Variants in GRHPR observed in about 807,000 individuals in gnomAD.
GRHPR encodes the protein glyoxylate reductase/hydroxypyruvate reductase.
GRHPR carries 35 observed loss-of-function variants against 36.8 expected under a neutral mutation model. That is an observed-to-expected ratio of 0.95 (90% CI 0.73 to 1.26). The LOEUF (loss-of-function observed/expected upper bound fraction) is 1.26. Ranked by LOEUF, GRHPR falls within the 50% of genes most tolerant of loss-of-function variation. The pLI, the probability that GRHPR is intolerant of heterozygous loss-of-function variation, is 0.00. For synonymous variants in GRHPR, 179 were observed against 181.0 expected (o/e 0.99, Z 0.09); for missense variants, 380 against 435.0 (o/e 0.87, Z 1.12).
chr9:37,432,085 C>G lies in GRHPR; in HGVS notation c.812C>G (p.Thr271Arg). 5.6e-6 allele frequency: 9 copies of G among 1,613,968 alleles called. No individual in the cohort carries two copies. Among genetic ancestry groups the G allele is most frequent in the Non-Finnish European group, 7.6e-6 (9 of 1,179,842 alleles). Residue 271 changes from threonine (T) to arginine (R), a missense_variant, in exon 8 of 9, where the codon ACG becomes AGG. Coordinates refer to ENST00000318158, the MANE Select transcript of GRHPR (RefSeq NM_012203.2). ...GKIAAAGLDV[T>R]SPEPLPTNHP... The stretch of plus-strand genomic sequence containing the variant: ...ATTGCAGCTGCTGGACTGGATGTGA[C>G]GAGCCCAGAACCACTGCCTACAAAC...
rs1283935539 is a variant in GRHPR, at chr9:37,436,949, G to A, written c.*167G>A. 2.2e-5 allele frequency: 16 copies of A among 723,524 alleles called. No individual in the cohort carries two copies. Among genetic ancestry groups the A allele is most frequent in the East Asian group, 1.6e-4 (6 of 36,852 alleles). The allele number at this position is 723,524 out of a possible 1,614,324, so 44.8% of individuals were successfully genotyped here. On this transcript the variant is annotated 3_prime_UTR_variant, in exon 9 of 9. Coordinates refer to ENST00000318158, the MANE Select transcript of GRHPR (RefSeq NM_012203.2). ...TCACATTGGTGTTGGACACATTTGCGCCAAAAGTATGGTAATTCTATTATT... is the reference window on the plus strand; with the variant it reads ...TCACATTGGTGTTGGACACATTTGCACCAAAAGTATGGTAATTCTATTATT...
Position 37,430,589 on chromosome 9 carries a change from G to C in GRHPR, c.677G>C (p.Cys226Ser), listed in dbSNP as rs780674890. ...TTAACACCTGCAACCGAGGGACTCT[G>C]CAACAAGGACTTCTTCCAGAAGATG... Reference protein sequence around the residue: ...CSLTPATEGLCNKDFFQKMKE... With the variant: ...CSLTPATEGLSNKDFFQKMKE... Residue 226 changes from cysteine to serine, a missense_variant, in exon 7 of 9, where the codon TGC becomes TCC. Physicochemically the swap from Cys to Ser is moderately radical, Grantham distance 112 (BLOSUM62 -1). Coordinates refer to ENST00000318158, the MANE Select transcript of GRHPR (RefSeq NM_012203.2). 2 of 1,613,770 alleles carry C rather than the reference G, an allele frequency of 1.2e-6. No homozygotes were observed. Among genetic ancestry groups the C allele is most frequent in the Non-Finnish European group, 8.5e-7 (1 of 1,179,690 alleles).
chr9:37,428,739 A>G, intron 5 of GRHPR, 167 bp downstream of exon 5: 1 of 703,698 alleles, frequency 1.4e-6, no homozygotes, highest in South Asian at 1.5e-5. Flanking sequence ...ACAGGCAAAT[A>G]CATAAATAAA....
chr9:37,438,578 C>CA (rs1823776399), downstream of GRHPR: 2 of 152,324 alleles, frequency 1.3e-5, no homozygotes, highest in South Asian at 4.1e-4. Flanking sequence ...CCACCTCCTC[C>CA]AAATGGAAGG....
chr9:37,426,531 T>A lies in GRHPR; in HGVS notation c.288-7T>A. ...GCTGATGTTACCACCAGATGTCTGATTCGTAGTGGGATCCGAGTTGGCTAC... is the reference window on the plus strand; with the variant it reads ...GCTGATGTTACCACCAGATGTCTGAATCGTAGTGGGATCCGAGTTGGCTAC... On this transcript the variant is annotated splice_polypyrimidine_tract_variant and splice_region_variant and intron_variant, in intron 3 of 8. Transcript: ENST00000318158. 1 of 1,566,554 alleles carries A rather than the reference T, an allele frequency of 6.4e-7. No homozygotes were observed. Among genetic ancestry groups the A allele is most frequent in the Non-Finnish European group, 8.8e-7 (1 of 1,136,628 alleles).
intron 7 of GRHPR, chr9:37,431,002 T>A (rs1468461019): frequency 8.2e-6 from 4 of 485,106 alleles, no homozygotes; most frequent in Non-Finnish European, 1.7e-5. Context: ...GGAGGCCGCC[T>A]CCCACACTGC....
intron 7 of GRHPR, 102 bp from the exon 8 acceptor site, chr9:37,431,906 T>C: frequency 7.9e-7 from 1 of 1,262,068 alleles, no homozygotes; most frequent in Non-Finnish European, 1.2e-6. Context: ...TAAAAGTCAG[T>C]GCCAAGTGAG....
At chr9:37,422,556 T>A, upstream of GRHPR, 2 of 633,968 alleles carry the variant, frequency 3.2e-6, no homozygotes, top group Non-Finnish European at 5.7e-6. Context: ...GTAGGGTCAC[T>A]GTTACTGTCA....
intron 4 of GRHPR, 46 bp downstream of exon 4, chr9:37,426,700 A>C (rs528574354): frequency 8.6e-7 from 1 of 1,156,228 alleles, no homozygotes; most frequent in Admixed American, 1.7e-5. Context: ...CTGTAATCCC[A>C]GCACTTTGGG....
intron 8 of GRHPR, chr9:37,432,490 C>A: frequency 6.2e-6 from 2 of 322,002 alleles, no homozygotes; most frequent in South Asian, 2.7e-5. Flanking sequence ...CCAACCTGGC[C>A]GATATGGTGA....
intron 1 of GRHPR, among the ~76,000 whole-genome samples, chr9:37,424,180 C>T (rs2118855771): frequency 6.6e-6 from 1 of 152,346 alleles, no homozygotes; most frequent in Non-Finnish European, 1.5e-5. Context: ...CCCATGGTAA[C>T]AGTAGCTCAC....
chr9:37,426,669 A>T lies in GRHPR; in HGVS notation c.404+15A>T, dbSNP rs1481312215. The T allele has an allele frequency of 6.8e-7, 1 of 1,467,208 alleles. No individual in the cohort carries two copies. The highest frequency in any genetic ancestry group is 1.1e-5 in the South Asian group (1 of 88,230). 90.9% of individuals were successfully genotyped at this position (1,467,208 alleles called of 1,614,324 possible). On this transcript the variant is annotated intron_variant, in intron 4 of 8. Transcript: ENST00000318158. ...GAAGTGAAGAAGTAAGTGAACGCAG[A>T]CCAGGTGCGGTGGCTCACGGCTGTA...
At position 37,432,077 on chromosome 9, in the gene GRHPR, GGAT is replaced by G; in HGVS notation, c.806_808del (p.Asp269del). On this transcript the variant is annotated inframe_deletion, in exon 8 of 9. Transcript: ENST00000318158. ...GTGGTAAGATTGCAGCTGCTGGACT[GGAT>G]GTGACGAGCCCAGAACCACTGCCTA... 1 of 1,613,906 alleles carries G rather than the reference GGAT, an allele frequency of 6.2e-7. No homozygotes were observed. Among genetic ancestry groups the G allele is most frequent in the Middle Eastern group, 1.7e-4 (1 of 6,060 alleles).
downstream of GRHPR, among the ~76,000 whole-genome samples, chr9:37,437,245 GC>G (rs1220978583): frequency 6.6e-6 from 1 of 152,134 alleles, no homozygotes; most frequent in Non-Finnish European, 1.5e-5. Flanking sequence ...GGGCAATGTA[GC>G]AAGACACCGT....
chr9:37,433,026 A>G (rs1447992227), intron 8 of GRHPR, among the ~76,000 whole-genome samples: 2 of 152,108 alleles, frequency 1.3e-5, no homozygotes, highest in Admixed American at 6.5e-5. Flanking sequence ...TTCTTCATCT[A>G]GCAGCACCAG....
intron 8 of GRHPR, 145 bp from the exon 9 acceptor site, chr9:37,436,516 A>G: frequency 1.2e-6 from 1 of 856,988 alleles, no homozygotes; most frequent in Non-Finnish European, 2.0e-6. Context: ...AGCTTAGTGA[A>G]GGTGGGAGAG....
intron 4 of GRHPR, among the ~76,000 whole-genome samples, chr9:37,427,517 G>C (rs568995729): frequency 1.6e-4 from 24 of 152,260 alleles, no homozygotes; most frequent in African/African-American, 5.5e-4. Context: ...GAAGGTTTCA[G>C]ATCAGGGATT....
At chr9:37,430,362 C>G (rs141699256) in intron 6 of GRHPR, 149 bp from the exon 7 acceptor site, 1 of 741,812 alleles carries the variant, frequency 1.3e-6, no homozygotes, top group East Asian at 2.5e-5. Context: ...ACTTTGTGCA[C>G]TCATGAGAGT....
chr9:37,434,208 C>G (rs1823522102), intron 8 of GRHPR: 1 of 400,100 alleles, frequency 2.5e-6, no homozygotes, highest in Non-Finnish European at 4.4e-6. Context: ...GGGAAGGATG[C>G]AATCATTTGT....
Sources: gnomAD v4.1 joint callset for allele counts (sites outside exome capture counted in the v4.1 genomes callset) on GRCh38, gnomAD v4.1.1 for gene constraint, MANE v1.5 for transcripts, NCBI Gene and HGNC (gene_info 2026-07-23, HGNC 2026-07-21) for gene names.